The following GRIN3A variants were observed in gnomAD, a reference collection of about 807,000 sequenced individuals.
The protein encoded by GRIN3A is glutamate receptor ionotropic, NMDA 3A.
Under a neutral mutation model 92.4 loss-of-function variants are expected in GRIN3A, and 47 were observed. That is an observed-to-expected ratio of 0.51 (90% CI 0.40 to 0.65). The LOEUF is 0.65. GRIN3A is among the 30% of genes least tolerant of loss of function. GRIN3A has a pLI of 0.00. For missense variants in GRIN3A, 1,324 were observed against 1,393.1 expected (o/e 0.95, Z 0.79); for synonymous variants, 527 against 540.6 (o/e 0.97, Z 0.35).
intron 3 of GRIN3A, among the ~76,000 whole-genome samples, chr9:101,655,506 A>T (rs1829074563): frequency 1.3e-5 from 2 of 151,950 alleles, no homozygotes; most frequent in Admixed American, 1.3e-4. Flanking sequence ...ATGCTGAGCA[A>T]AGCTTTGAGA....
chr9:101,628,398 G>T lies in GRIN3A; in HGVS notation c.2356C>A (p.His786Asn). Reference protein sequence around the residue: ...ELSGIHDPKLHHPSQGFRFGT... With the variant: ...ELSGIHDPKLNHPSQGFRFGT... ...AAGCGGAATCCTTGGGAAGGATGAT[G>T]TAACTATGAGGGAGAAAAAGAAATG... Residue 786 changes from histidine to asparagine, a missense_variant, in exon 4 of 9, where the codon CAT (histidine) becomes AAT (asparagine). Transcript: ENST00000361820. 1 of 1,613,474 alleles carries T rather than the reference G, an allele frequency of 6.2e-7. No individual in the cohort carries two copies. Among genetic ancestry groups the T allele is most frequent in the Non-Finnish European group, 8.5e-7 (1 of 1,179,540 alleles).
At chr9:101,644,471 A>AAAC (rs1588264083) in intron 3 of GRIN3A, among the ~76,000 whole-genome samples, 1 of 151,760 alleles carries the variant, frequency 6.6e-6, no homozygotes, top group East Asian at 1.9e-4. Context: ...AAAAAAAAAA[A>AAAC]AAAAAAACAC....
chr9:101,590,165 G>A, intron 6 of GRIN3A, among the ~76,000 whole-genome samples: 1 of 152,072 alleles, frequency 6.6e-6, no homozygotes. Context: ...CAGCTTTACT[G>A]CTACTACGGT....
At chr9:101,593,328 G>T (rs41282159) in intron 6 of GRIN3A, 1 of 152,176 alleles carries the variant, frequency 6.6e-6, no homozygotes, top group Admixed American at 6.5e-5. Context: ...TAGGGAAAAG[G>T]CTTCCTGGAA....
In GRIN3A at chr9:101,686,849, C is replaced by T. The variant is rs752326618; in HGVS notation, c.1051G>A (p.Glu351Lys). The change falls in exon 2 of 9, where the codon GAA (glutamate) becomes AAA (lysine). Residue 351 changes from glutamate (E) to lysine (K), a missense_variant. Transcript: ENST00000361820. ...GAATCTCCCAGCACCCAACGAAGTTCAGGGGGCATGACCCCAAACTGGGTT... is the reference window on the plus strand; with the variant it reads ...GAATCTCCCAGCACCCAACGAAGTTTAGGGGGCATGACCCCAAACTGGGTT... ...ITTQFGVMPP[E>K]LRWVLGDSQN... 8.7e-6 allele frequency: 14 copies of T among 1,614,112 alleles called. No individual in the cohort carries two copies. Among genetic ancestry groups the T allele is most frequent in the Non-Finnish European group, 1.2e-5 (14 of 1,180,050 alleles).
At chr9:101,715,200 T>TAAGAAA (rs369990429) in intron 1 of GRIN3A, among the ~76,000 whole-genome samples, 1 of 127,692 alleles carries the variant, frequency 7.8e-6, no homozygotes. Flanking sequence ...ACAAAAATGG[T>TAAGAAA]AAAAAAAAAA....
At chr9:101,576,683 C>A (rs565167665) in intron 8 of GRIN3A, among the ~76,000 whole-genome samples, 1 of 152,256 alleles carries the variant, frequency 6.6e-6, no homozygotes, top group South Asian at 2.1e-4. Flanking sequence ...CATGGAACAG[C>A]TGTGACTGGA....
intron 6 of GRIN3A, chr9:101,594,938 C>A (rs762159631): frequency 6.3e-6 from 10 of 1,593,278 alleles, no homozygotes; most frequent in Non-Finnish European, 7.6e-6. Flanking sequence ...CATCTGGCAA[C>A]GGCCACGGCT....
chr9:101,602,916 C>G (rs990461295), intron 6 of GRIN3A: 1 of 152,086 alleles, frequency 6.6e-6, no homozygotes, highest in African/African-American at 2.4e-5. Context: ...AGCCTAACTT[C>G]GAAATACAAT....
chr9:101,705,569 C>G (rs1829806284), intron 1 of GRIN3A, among the ~76,000 whole-genome samples: 1 of 152,162 alleles, frequency 6.6e-6, no homozygotes, highest in African/African-American at 2.4e-5. Context: ...AAGGAGCACA[C>G]TGTAACACAC....
At chr9:101,713,690 C>T (rs540262417) in intron 1 of GRIN3A, among the ~76,000 whole-genome samples, 6 of 152,232 alleles carry the variant, frequency 3.9e-5, no homozygotes, top group African/African-American at 9.6e-5. Flanking sequence ...CTAAGTTAGA[C>T]GGTGCAGTCC....
chr9:101,586,615 T>A (rs886403617), intron 6 of GRIN3A, among the ~76,000 whole-genome samples: 24 of 152,142 alleles, frequency 1.6e-4, no homozygotes, highest in South Asian at 8.3e-4. Context: ...GGACAAAAAA[T>A]TTTTTAAATT....
At position 101,628,408 on chromosome 9, in the gene GRIN3A, G is replaced by C. The variant is rs766476300; in HGVS notation, c.2353-7C>G. 2 of 1,612,348 alleles carry C rather than the reference G, an allele frequency of 1.2e-6. No individual in the cohort carries two copies. Among genetic ancestry groups the C allele is most frequent in the Non-Finnish European group, 1.7e-6 (2 of 1,178,858 alleles). ...CTTGGGAAGGATGATGTAACTATGA[G>C]GGAGAAAAAGAAATGGCTTAAATAA... On this transcript the variant is annotated splice_polypyrimidine_tract_variant and splice_region_variant and intron_variant, in intron 3 of 8. Coordinates refer to ENST00000361820, the MANE Select transcript of GRIN3A (RefSeq NM_133445.3).
At chr9:101,677,736 C>T (rs1829417732) in intron 2 of GRIN3A, among the ~76,000 whole-genome samples, 1 of 151,992 alleles carries the variant, frequency 6.6e-6, no homozygotes, top group South Asian at 2.1e-4. Context: ...ATGAATTTGT[C>T]CATTTTAGCC....
chr9:101,686,926 A>C lies in GRIN3A; in HGVS notation c.974T>G (p.Val325Gly). The C allele has an allele frequency of 6.2e-7, 1 of 1,614,096 alleles. No homozygotes were observed. Among genetic ancestry groups the C allele is most frequent in the Non-Finnish European group, 8.5e-7 (1 of 1,180,000 alleles). The change falls in exon 2 of 9, where the codon GTG (valine) becomes GGG (glycine). Residue 325 changes from valine to glycine, a missense_variant. By Grantham distance (109) the Val-to-Gly change is moderately radical. Transcript: ENST00000361820. ...TTCCATGTCGCAGCCAAACATCACC[A>C]CTGTGGGTGTGCTGTTCTTAATACT... ...LESIKNSTPT[V>G]VMFGCDMESI...
At chr9:101,607,159 A>G (rs1447592718) in intron 6 of GRIN3A, among the ~76,000 whole-genome samples, 2 of 76,828 alleles carry the variant, frequency 2.6e-5, no homozygotes, top group African/African-American at 1.4e-4. Context: ...GAATTCAGGA[A>G]AAAAAAAAAA....
intron 3 of GRIN3A, among the ~76,000 whole-genome samples, chr9:101,650,826 C>A (rs757958152): frequency 1.3e-5 from 2 of 151,950 alleles, no homozygotes; most frequent in Non-Finnish European, 2.9e-5. Context: ...CCCCCCCACA[C>A]ACATTTTGTT....
At chr9:101,612,707 T>C (rs1828382717) in intron 6 of GRIN3A, among the ~76,000 whole-genome samples, 1 of 152,202 alleles carries the variant, frequency 6.6e-6, no homozygotes, top group Non-Finnish European at 1.5e-5. Context: ...ATTTTAATCA[T>C]CCAATTTCTG....
In GRIN3A at chr9:101,686,757, T is replaced by C; in HGVS notation, c.1143A>G (p.Thr381=). Residue 381 remains threonine, a synonymous_variant, in exon 2 of 9, where the codon ACA becomes ACG. Coordinates refer to ENST00000361820, the MANE Select transcript of GRIN3A (RefSeq NM_133445.3). ...PLGLIAHGKT[T]QSVFEHYVQD... ...GTACGTAGTGCTCAAAGACAGACTG[T>C]GTTGTTTTTCCATGAGCAATGAGCC... is the stretch of plus-strand genomic sequence containing the variant. 6.2e-7 allele frequency: 1 copy of C among 1,614,166 alleles called. No individual in the cohort carries two copies. Among genetic ancestry groups the C allele is most frequent in the African/African-American group, 1.3e-5 (1 of 75,052 alleles).
Sources: allele counts gnomAD v4.1 joint callset (sites outside exome capture counted in the v4.1 genomes callset), GRCh38; gene constraint gnomAD v4.1.1; transcripts MANE v1.5; gene names NCBI Gene and HGNC (gene_info 2026-07-23, HGNC 2026-07-21).